Variants in LYPLAL1 observed in about 807,000 individuals in gnomAD.
LYPLAL1 encodes the protein lysophospholipase-like protein 1.
Under a neutral mutation model 19.7 loss-of-function variants are expected in LYPLAL1, and 23 were observed. That is an observed-to-expected ratio of 1.17 (90% CI 0.84 to 1.65). The LOEUF (loss-of-function observed/expected upper bound fraction) is 1.65, where lower values mean the gene tolerates loss of function less well. Ranked by LOEUF, LYPLAL1 falls within the 40% of genes most tolerant of loss-of-function variation. The probability of loss-of-function intolerance (pLI) is 0.00; values close to 1 mark genes in which losing one functional copy is unlikely to be tolerated. For synonymous variants in LYPLAL1, 119 were observed against 96.3 expected, an observed-to-expected ratio of 1.24 and a Z score of -1.38; for missense variants, 355 against 279.4, an observed-to-expected ratio of 1.27 and a Z score of -1.93.
chr1:219,403,068 C>T, the LYPLAL1 span, among the ~76,000 whole-genome samples: 2 of 152,170 alleles, frequency 1.3e-5, no homozygotes, highest in Non-Finnish European at 2.9e-5. Flanking sequence ...GAGATACAAT[C>T]CTCAGGGGCA....
At chr1:219,207,310 A>C (rs968031633) in intron 3 of LYPLAL1, among the ~76,000 whole-genome samples, 3 of 152,052 alleles carry the variant, frequency 2.0e-5, no homozygotes, top group Admixed American at 6.5e-5. Flanking sequence ...CATCTGATTT[A>C]TGGCATAAGA....
the LYPLAL1 span, among the ~76,000 whole-genome samples, chr1:219,319,947 G>GA: frequency 6.6e-6 from 1 of 152,174 alleles, no homozygotes; most frequent in African/African-American, 2.4e-5. Context: ...AGTCCCACCT[G>GA]AATATTCTGT....
chr1:219,407,711 CAT>C, the LYPLAL1 span, among the ~76,000 whole-genome samples: 2 of 152,148 alleles, frequency 1.3e-5, no homozygotes, highest in African/African-American at 4.8e-5. Context: ...GGATGACAAA[CAT>C]ATGTATCTTA....
At chr1:219,424,520 G>A in the LYPLAL1 span, among the ~76,000 whole-genome samples, 9 of 152,074 alleles carry the variant, frequency 5.9e-5, no homozygotes, top group African/African-American at 1.9e-4. Flanking sequence ...GGATGGAACC[G>A]GGCATGGAAC....
At chr1:219,414,854 C>T in the LYPLAL1 span, among the ~76,000 whole-genome samples, 1 of 152,076 alleles carries the variant, frequency 6.6e-6, no homozygotes, top group Non-Finnish European at 1.5e-5. Flanking sequence ...GGCACTGAGG[C>T]TATGGTAGGC....
intron 1 of LYPLAL1, 100 bp downstream of exon 1, chr1:219,174,081 T>C (rs1308905121): frequency 9.7e-6 from 15 of 1,543,882 alleles, no homozygotes; most frequent in African/African-American, 1.4e-5. Flanking sequence ...CGGGCCCAAA[T>C]AGGGCCCAGT....
At chr1:219,254,914 T>C in the LYPLAL1 span, among the ~76,000 whole-genome samples, 6 of 152,008 alleles carry the variant, frequency 3.9e-5, no homozygotes. Flanking sequence ...ATTTGTAGAT[T>C]TGGTCTCTTT....
the LYPLAL1 span, among the ~76,000 whole-genome samples, chr1:219,424,482 A>G: frequency 6.6e-6 from 1 of 152,222 alleles, no homozygotes; most frequent in Admixed American, 6.5e-5. Flanking sequence ...ATAACTGGGT[A>G]TATTTTGTGC....
the LYPLAL1 span, among the ~76,000 whole-genome samples, chr1:219,296,239 C>T: frequency 7.2e-5 from 11 of 152,096 alleles, no homozygotes; most frequent in Non-Finnish European, 1.0e-4. Context: ...CTAGATCCAC[C>T]GAGCTTCTGC....
the LYPLAL1 span, among the ~76,000 whole-genome samples, chr1:219,418,043 G>C: frequency 1.1e-4 from 16 of 152,146 alleles, no homozygotes; most frequent in Non-Finnish European, 2.4e-4. Flanking sequence ...AAAACAAGTA[G>C]GACCTGATTT....
chr1:219,200,698 T>A (rs1297911690), intron 3 of LYPLAL1: 13 of 243,228 alleles, frequency 5.3e-5, no homozygotes, highest in African/African-American at 1.1e-4. Context: ...GAGCTACACA[T>A]CTTGATCTGC....
intron 3 of LYPLAL1, among the ~76,000 whole-genome samples, chr1:219,195,734 G>C (rs1366429529): frequency 6.6e-6 from 1 of 152,092 alleles, no homozygotes; most frequent in African/African-American, 2.4e-5. Context: ...AGGACATGCA[G>C]GTTTGTTACA....
chr1:219,375,962 T>A, the LYPLAL1 span, among the ~76,000 whole-genome samples: 9 of 152,140 alleles, frequency 5.9e-5, no homozygotes, highest in East Asian at 1.7e-3. Flanking sequence ...AGGATGGTCT[T>A]GATCTCCTGA....
intron 3 of LYPLAL1, among the ~76,000 whole-genome samples, chr1:219,197,629 G>T (rs984824806): frequency 1.9e-4 from 29 of 152,256 alleles, no homozygotes; most frequent in South Asian, 1.7e-3. Flanking sequence ...TTGACAGATG[G>T]TATCTAATAA....
intron 2 of LYPLAL1, among the ~76,000 whole-genome samples, chr1:219,182,467 A>G (rs915878855): frequency 3.9e-5 from 6 of 152,120 alleles, no homozygotes; most frequent in Admixed American, 2.6e-4. Flanking sequence ...TGCTGCTAAT[A>G]AGAGAGATTC....
intron 3 of LYPLAL1, among the ~76,000 whole-genome samples, chr1:219,204,851 T>C (rs971689630): frequency 1.3e-5 from 2 of 152,190 alleles, no homozygotes; most frequent in African/African-American, 2.4e-5. Flanking sequence ...AATACTGTTA[T>C]AATTTAGGCT....
At chr1:219,205,737 G>C (rs953902649) in intron 3 of LYPLAL1, among the ~76,000 whole-genome samples, 2 of 152,122 alleles carry the variant, frequency 1.3e-5, no homozygotes, top group African/African-American at 2.4e-5. Flanking sequence ...ACTTGTACAC[G>C]TTTTCTCTAT....
At chr1:219,362,135 G>C in the LYPLAL1 span, among the ~76,000 whole-genome samples, 5,156 of 152,206 alleles carry the variant, frequency 0.034, 285 homozygotes, top group African/African-American at 0.12. Flanking sequence ...GACACCCAAA[G>C]ATGTGAAACA....
At chr1:219,417,515 G>A in the LYPLAL1 span, among the ~76,000 whole-genome samples, 1 of 152,168 alleles carries the variant, frequency 6.6e-6, no homozygotes, top group Non-Finnish European at 1.5e-5. Flanking sequence ...GTTGTCCATG[G>A]TATAGGCAGA....
Sources: allele counts gnomAD v4.1 joint callset (sites outside exome capture counted in the v4.1 genomes callset), GRCh38; gene constraint gnomAD v4.1.1; transcripts MANE v1.5; gene names NCBI Gene and HGNC (gene_info 2026-07-23, HGNC 2026-07-21).